MIER3: variants seen among roughly 807,000 people sequenced by gnomAD.
The protein encoded by MIER3 is mesoderm induction early response protein 3.
A neutral mutation model predicts 63.2 loss-of-function variants in MIER3; 9 were observed. The observed-to-expected ratio is 0.14, with a 90% confidence interval of 0.09 to 0.25. The LOEUF is 0.25. MIER3 is among the 10% of genes least tolerant of loss of function. MIER3 has a pLI of 1.00. For synonymous variants in MIER3, 205 were observed against 224.9 expected (o/e 0.91, Z 0.79); for missense variants, 512 against 666.2 (o/e 0.77, Z 2.55).
At chr5:56,924,131 C>T in intron 10 of MIER3, 89 bp from the exon 11 acceptor site, 1 of 1,276,882 alleles carries the variant, frequency 7.8e-7, no homozygotes, top group Non-Finnish European at 1.1e-6. Context: ...CAACTTCAAT[C>T]CATGGGTCTT....
rs551124708 is a variant in MIER3, at chr5:56,950,762, A to G, written c.10-110T>C. 44 of 1,256,330 alleles carry G rather than the reference A, an allele frequency of 3.5e-5. No homozygotes were observed. The South Asian group carries it at 4.8e-4, about 14-fold the overall frequency. The allele number at this position is 1,256,330 out of a possible 1,614,324, so 77.8% of individuals were successfully genotyped here. A position where few individuals can be genotyped will look rare whatever the true frequency, so the allele number is the denominator to read the frequency against. On this transcript the variant is annotated intron_variant, in intron 1 of 12. Coordinates refer to ENST00000381199, the MANE Select transcript of MIER3 (RefSeq NM_001297599.2). ...AGTCGAGCGCTCCTCCGCAGCTGCC[A>G]AAAGTGCAAGACGTAGCTTCACTCG...
rs1750143867 is a variant in MIER3, at chr5:56,928,981, A to ATT, written c.830-121_830-120insAA. On this transcript the variant is annotated intron_variant, in intron 9 of 12. Coordinates refer to ENST00000381199, the MANE Select transcript of MIER3 (RefSeq NM_001297599.2). ...CTCTCTCTCTCTCTCACACACACACACTCTCTCTCTCACACACACACACAC... is the reference window on the plus strand; with the variant it reads ...CTCTCTCTCTCTCTCACACACACACATTCTCTCTCTCTCACACACACACACAC... The ATT allele has an allele frequency of 8.5e-6, 4 of 469,204 alleles. No individual in the cohort carries two copies. In the African/African-American group the frequency reaches 1.5e-4, roughly 17 times the overall value. The allele number at this position is 469,204 out of a possible 1,614,324, so 29.1% of individuals were successfully genotyped here.
intron 2 of MIER3, 174 bp from the exon 3 acceptor site, chr5:56,947,245 G>T: frequency 1.7e-6 from 1 of 591,310 alleles, no homozygotes. Context: ...CTGAAAATAT[G>T]TCTAAATCAG....
At chr5:56,935,863 A>G (rs1336747640) in intron 5 of MIER3, 112 bp from the exon 6 acceptor site, 3 of 734,030 alleles carry the variant, frequency 4.1e-6, no homozygotes, top group Non-Finnish European at 6.9e-6. Context: ...GCATAAGTAT[A>G]CTAAACCACC....
chr5:56,947,208 TA>T, intron 2 of MIER3, 137 bp from the exon 3 acceptor site: 4 of 858,394 alleles, frequency 4.7e-6, no homozygotes, highest in Non-Finnish European at 6.8e-6. Flanking sequence ...ATATAATTTA[TA>T]GGTTATAAAT....
At chr5:56,952,050 C>G in intron 1 of MIER3, 44 bp downstream of exon 1, 4 of 1,268,004 alleles carry the variant, frequency 3.2e-6, no homozygotes, top group South Asian at 1.9e-5. Flanking sequence ...AGCCGCCGGG[C>G]GCCCGCTCCA....
At chr5:56,934,850 G>A (rs1750385880) in intron 7 of MIER3, among the ~76,000 whole-genome samples, 1 of 152,072 alleles carries the variant, frequency 6.6e-6, no homozygotes, top group African/African-American at 2.4e-5. Context: ...AACTAAGAAG[G>A]TTTACCTATA....
chr5:56,948,434 T>TG (rs1750902524), intron 2 of MIER3, among the ~76,000 whole-genome samples: 1 of 151,864 alleles, frequency 6.6e-6, no homozygotes, highest in Non-Finnish European at 1.5e-5. Context: ...GAGGCCGAAG[T>TG]GGGGGGATCA....
rs781624255 is a variant in MIER3 at position 56,933,208 on chromosome 5, T to C, written c.747+39A>G. 4.4e-5 allele frequency: 68 copies of C among 1,534,960 alleles called. 1 individual carries two copies. The South Asian group carries it at 7.1e-4, about 16-fold the overall frequency. On this transcript the variant is annotated intron_variant, in intron 8 of 12. Transcript: ENST00000381199. The stretch of plus-strand genomic sequence containing the variant: ...CAAATATAAGAAATCAAGAAGATAC[T>C]GTAAACTGGCTGCTGTTTCAACAGA...
chr5:56,935,522 AAAAT>A (rs1750412715), intron 6 of MIER3, 22 bp from the exon 7 acceptor site: 5 of 1,565,366 alleles, frequency 3.2e-6, no homozygotes, highest in Middle Eastern at 1.7e-4. Flanking sequence ...TTGAGAGGTA[AAAAT>A]AACTTATTAA....
Position 56,937,506 on chromosome 5 carries a change from T to C in MIER3, c.436+72A>G, listed in dbSNP as rs370091103. 82 of 1,367,394 alleles carry C rather than the reference T, an allele frequency of 6.0e-5. 1 individual carries two copies. The African/African-American group carries it at 7.8e-4, about 13-fold the overall frequency. 84.7% of individuals were successfully genotyped at this position (1,367,394 alleles called of 1,614,324 possible). The stretch of plus-strand genomic sequence containing the variant: ...ATTAGAATATTCTGACACAAATTAC[T>C]GAACACAATAAAATGTACTAAAGCT... On this transcript the variant is annotated intron_variant, in intron 5 of 12. Transcript: ENST00000381199.
intron 4 of MIER3, 50 bp downstream of exon 4, chr5:56,938,833 C>A: frequency 6.3e-7 from 1 of 1,575,876 alleles, no homozygotes; most frequent in Non-Finnish European, 8.7e-7. Context: ...GAAGTAAAAG[C>A]AGTCAATGGT....
At chr5:56,942,366 C>G (rs1750676044) in intron 3 of MIER3, among the ~76,000 whole-genome samples, 1 of 152,158 alleles carries the variant, frequency 6.6e-6, no homozygotes, top group Non-Finnish European at 1.5e-5. Context: ...AGAGCCTGAA[C>G]TAAGGAGGGG....
Position 56,937,680 on chromosome 5 carries a change from G to T in MIER3, c.334C>A (p.Leu112Met). The change falls in exon 5 of 13, where the codon CTG becomes ATG. Residue 112 changes from leucine (L) to methionine (M), a missense_variant. Physicochemically the swap from Leu to Met is conservative, Grantham distance 15 (BLOSUM62 2). Transcript: ENST00000381199. ...TLDKEEIAKD[L>M]LSGDDEETQS... is the part of the protein sequence containing the mutation. Reference sequence around the variant, plus strand: ...GTTTCCTCGTCATCACCTGACAACAGGTCTTTTGCTATTTCCTCCTGGAAG... The same window carrying T: ...GTTTCCTCGTCATCACCTGACAACATGTCTTTTGCTATTTCCTCCTGGAAG... 6.2e-7 allele frequency: 1 copy of T among 1,607,604 alleles called. No individual in the cohort carries two copies.
intron 5 of MIER3, 68 bp from the exon 6 acceptor site, chr5:56,935,819 T>G (rs1258414312): frequency 8.4e-7 from 1 of 1,189,346 alleles, no homozygotes; most frequent in African/African-American, 1.5e-5. Context: ...ATGCCTGTTG[T>G]ATTTTACAAA....
chr5:56,930,809 T>C lies in MIER3; in HGVS notation c.748-64A>G, dbSNP rs1449175992. The C allele has an allele frequency of 6.9e-6, 9 of 1,309,926 alleles. No homozygotes were observed. The African/African-American group carries it at 1.2e-4, about 17-fold the overall frequency. 81.1% of individuals were successfully genotyped at this position (1,309,926 alleles called of 1,614,324 possible). A position where few individuals can be genotyped will look rare whatever the true frequency, so the allele number is the denominator to read the frequency against. On this transcript the variant is annotated intron_variant, in intron 8 of 12. Coordinates refer to ENST00000381199, the MANE Select transcript of MIER3 (RefSeq NM_001297599.2). ...ACCTAACAGCATTTTAAAAAACAGGTGTAAGAGTTTTGATAAATATTGGAG... is the reference window on the plus strand; with the variant it reads ...ACCTAACAGCATTTTAAAAAACAGGCGTAAGAGTTTTGATAAATATTGGAG...
At chr5:56,928,168 T>C (rs912682102) in intron 10 of MIER3, 3 of 152,258 alleles carry the variant, frequency 2.0e-5, no homozygotes, top group African/African-American at 7.2e-5. Context: ...AAAGCTGCTA[T>C]AAACACTTTT....
chr5:56,950,935 C>A (rs1417788681), intron 1 of MIER3, among the ~76,000 whole-genome samples: 1 of 152,116 alleles, frequency 6.6e-6, no homozygotes, highest in Non-Finnish European at 1.5e-5. Context: ...AGTTTCCAAG[C>A]AGAGAAGCAA....
chr5:56,938,698 G>A (rs1750538015), intron 4 of MIER3, 185 bp downstream of exon 4: 4 of 625,876 alleles, frequency 6.4e-6, no homozygotes, highest in South Asian at 6.2e-5. Flanking sequence ...CCATGAAGCT[G>A]CTATTAATAC....
Sources: gnomAD v4.1 joint callset for allele counts (sites outside exome capture counted in the v4.1 genomes callset) on GRCh38, gnomAD v4.1.1 for gene constraint, MANE v1.5 for transcripts, NCBI Gene and HGNC (gene_info 2026-07-23, HGNC 2026-07-21) for gene names.